The following DIP2B variants were observed in gnomAD, a reference collection of about 807,000 sequenced individuals.
DIP2B encodes disco-interacting protein 2 homolog B.
DIP2B carries 76 observed loss-of-function variants against 198.0 expected under a neutral mutation model. The ratio of observed to expected loss-of-function variants is 0.38; its 90% CI spans 0.32 to 0.46. The LOEUF is 0.46. Among genes scored for constraint, DIP2B ranks in the 20% least tolerant of loss-of-function variants. DIP2B has a pLI of 0.99. For missense variants in DIP2B, 1,559 were observed against 1,978.4 expected (o/e 0.79, Z 4.02); for synonymous variants, 701 against 739.1 (o/e 0.95, Z 0.84).
intron 1 of DIP2B, among the ~76,000 whole-genome samples, chr12:50,563,247 C>T (rs1432042513): frequency 1.3e-5 from 2 of 152,096 alleles, no homozygotes; most frequent in African/African-American, 2.4e-5. Flanking sequence ...AGTGCAGTGA[C>T]GTGATCTTGG....
intron 1 of DIP2B, among the ~76,000 whole-genome samples, chr12:50,598,090 G>A (rs1436014944): frequency 1.3e-5 from 2 of 152,102 alleles, no homozygotes; most frequent in African/African-American, 2.4e-5. Context: ...GTTTGATTTA[G>A]TTTCTTTAAT....
intron 1 of DIP2B, among the ~76,000 whole-genome samples, chr12:50,571,569 T>TG (rs1265280490): frequency 9.0e-6 from 1 of 111,684 alleles, no homozygotes; most frequent in Non-Finnish European, 1.9e-5. Flanking sequence ...TTTTTTTTTT[T>TG]TGAGACGGAG....
intron 1 of DIP2B, among the ~76,000 whole-genome samples, chr12:50,613,907 A>G (rs933841059): frequency 6.6e-6 from 1 of 152,206 alleles, no homozygotes; most frequent in African/African-American, 2.4e-5. Flanking sequence ...GGTGGCTTGT[A>G]TGTAGGAAGT....
Position 50,675,456 on chromosome 12 carries a change from T to C in DIP2B, c.916+8T>C, listed in dbSNP as rs754523127. The C allele has an allele frequency of 1.2e-6, 2 of 1,612,554 alleles. No homozygotes were observed. The highest frequency in any genetic ancestry group is 2.2e-5 in the South Asian group (2 of 90,872). On this transcript the variant is annotated splice_region_variant and intron_variant, in intron 7 of 37. Transcript: ENST00000301180. ...CTGAAGAAATTGTGGAAGGTAGTAG[T>C]AAAAATACCAAAAACATATATTCAT...
intron 1 of DIP2B, among the ~76,000 whole-genome samples, chr12:50,591,369 T>A (rs192880855): frequency 0.012 from 1,780 of 152,188 alleles, 33 homozygotes; most frequent in African/African-American, 0.038. Flanking sequence ...TTTTTTTTTT[T>A]AAATCCTAAT....
In DIP2B at chr12:50,648,331, G is replaced by A. The variant is rs923261242; in HGVS notation, c.301+7479G>A. Among the ~76,000 whole-genome samples the A allele has an allele frequency of 3.9e-5, 6 of 152,026 alleles. 1 individual carries two copies. Among genetic ancestry groups the A allele is most frequent in the African/African-American group, 1.2e-4 (5 of 41,422 alleles). Reference sequence around the variant, plus strand: ...CCATTTGTGCTTCTGTAAACTACCTGTCCATTGCCTAAGCCTATTTTTTTT... The same window carrying A: ...CCATTTGTGCTTCTGTAAACTACCTATCCATTGCCTAAGCCTATTTTTTTT... On this transcript the variant is annotated intron_variant, in intron 3 of 37. Coordinates refer to ENST00000301180, the MANE Select transcript of DIP2B (RefSeq NM_173602.3).
intron 1 of DIP2B, among the ~76,000 whole-genome samples, chr12:50,586,909 T>C (rs1194033760): frequency 6.6e-6 from 1 of 152,222 alleles, no homozygotes; most frequent in East Asian, 1.9e-4. Flanking sequence ...TATAAACGTT[T>C]TGATCAAAAT....
chr12:50,519,685 A>G (rs956885396), intron 1 of DIP2B, among the ~76,000 whole-genome samples: 5 of 152,254 alleles, frequency 3.3e-5, no homozygotes, highest in African/African-American at 1.2e-4. Context: ...TTACATGGTG[A>G]TGCAGAAAGA....
At chr12:50,673,839 C>T (rs1484951051) in intron 5 of DIP2B, among the ~76,000 whole-genome samples, 1 of 152,158 alleles carries the variant, frequency 6.6e-6, no homozygotes, top group Non-Finnish European at 1.5e-5. Context: ...TATTTAGTCT[C>T]TACCTGGAGC....
intron 14 of DIP2B, among the ~76,000 whole-genome samples, chr12:50,694,312 A>G (rs1166586449): frequency 6.6e-6 from 1 of 152,112 alleles, no homozygotes; most frequent in Non-Finnish European, 1.5e-5. Context: ...CTTGGCCAAC[A>G]TGGTGAAATC....
Position 50,732,521 on chromosome 12 carries a change from A to G in DIP2B, c.3966A>G (p.Val1322=), listed in dbSNP as rs1389761811. The stretch of plus-strand genomic sequence containing the variant: ...CCACTTTTGGATCAAGAGTCAATGT[A>G]GCAATATGTTTACAGGTGACCCTCA... ...VSTTFGSRVN[V]AICLQGTSGP... Residue 1322 remains valine, a synonymous_variant, in exon 32 of 38, where the codon GTA becomes GTG. Coordinates refer to ENST00000301180, the MANE Select transcript of DIP2B (RefSeq NM_173602.3). 1 of 1,614,210 alleles carries G rather than the reference A, an allele frequency of 6.2e-7. No homozygotes were observed. Among genetic ancestry groups the G allele is most frequent in the Non-Finnish European group, 8.5e-7 (1 of 1,180,040 alleles).
At chr12:50,652,775 C>G (rs186957512) in intron 3 of DIP2B, among the ~76,000 whole-genome samples, 107 of 152,164 alleles carry the variant, frequency 7.0e-4, no homozygotes, top group African/African-American at 2.4e-3. Flanking sequence ...TTTCCTATGT[C>G]TTCTTTAATT....
intron 9 of DIP2B, among the ~76,000 whole-genome samples, chr12:50,682,219 T>C (rs1205468331): frequency 2.0e-5 from 3 of 152,234 alleles, no homozygotes; most frequent in Non-Finnish European, 2.9e-5. Context: ...ATGAATTAAC[T>C]GTATATCCAT....
At chr12:50,709,475 A>C (rs1369508025) in intron 22 of DIP2B, among the ~76,000 whole-genome samples, 1 of 150,334 alleles carries the variant, frequency 6.7e-6, no homozygotes, top group Non-Finnish European at 1.5e-5. Flanking sequence ...TACTAAAAAT[A>C]CAAAAAAAAA....
Position 50,731,453 on chromosome 12 carries a change from G to C in DIP2B, c.3726G>C (p.Gln1242His). The C allele has an allele frequency of 2.5e-6, 4 of 1,614,132 alleles. No individual in the cohort carries two copies. The South Asian group carries it at 3.3e-5, about 13-fold the overall frequency. Residue 1242 changes from glutamine (Q) to histidine (H), a missense_variant, in exon 31 of 38, where the codon CAG becomes CAC. Physicochemically the swap from Gln to His is conservative, Grantham distance 24. Coordinates refer to ENST00000301180, the MANE Select transcript of DIP2B (RefSeq NM_173602.3). ...TCCTCTGGCTCTCCACAGTCAACCAGTACAAAATAAGGGACACTTTCTGCT... is the reference window on the plus strand; with the variant it reads ...TCCTCTGGCTCTCCACAGTCAACCACTACAAAATAAGGGACACTTTCTGCT... ...NLFLWLSTVN[Q>H]YKIRDTFCSY...
intron 21 of DIP2B, among the ~76,000 whole-genome samples, chr12:50,707,717 C>T (rs1205272227): frequency 6.6e-6 from 1 of 152,028 alleles, no homozygotes; most frequent in Non-Finnish European, 1.5e-5. Flanking sequence ...GAGAAAAACA[C>T]ATGGGGGTGG....
intron 1 of DIP2B, among the ~76,000 whole-genome samples, chr12:50,614,586 T>TAAAGC (rs1937660381): frequency 6.6e-6 from 1 of 152,220 alleles, no homozygotes; most frequent in African/African-American, 2.4e-5. Context: ...AACGTTGAGC[T>TAAAGC]AAAGCAGTCT....
chr12:50,540,454 A>T (rs962191030), intron 1 of DIP2B, among the ~76,000 whole-genome samples: 6 of 150,714 alleles, frequency 4.0e-5, no homozygotes, highest in Non-Finnish European at 8.9e-5. Flanking sequence ...AAATATATTT[A>T]CATCTTCAGT....
chr12:50,708,673 G>A, intron 22 of DIP2B, 111 bp downstream of exon 22: 2 of 808,930 alleles, frequency 2.5e-6, no homozygotes, highest in Non-Finnish European at 4.1e-6. Flanking sequence ...GCCAATCATT[G>A]CTCACATACT....
Sources: gnomAD v4.1 joint callset for allele counts (sites outside exome capture counted in the v4.1 genomes callset) on GRCh38, gnomAD v4.1.1 for gene constraint, MANE v1.5 for transcripts, NCBI Gene and HGNC (gene_info 2026-07-23, HGNC 2026-07-21) for gene names.